Variants in TRIM35 observed in about 807,000 individuals in gnomAD.
The protein encoded by TRIM35 is tripartite motif containing 35.
Under a neutral mutation model 49.1 loss-of-function variants are expected in TRIM35, and 37 were observed. The ratio of observed to expected loss-of-function variants is 0.75; its 90% CI spans 0.58 to 0.99. The LOEUF (loss-of-function observed/expected upper bound fraction) is 0.99. Among genes scored for constraint, TRIM35 ranks in the 50% least tolerant of loss-of-function variants. The pLI, the probability that TRIM35 is intolerant of heterozygous loss-of-function variation, is 0.00. For synonymous variants in TRIM35, 302 were observed against 289.3 expected, an observed-to-expected ratio of 1.04 and a Z score of -0.45; for missense variants, 648 against 702.7, an observed-to-expected ratio of 0.92 and a Z score of 0.88.
chr8:27,299,140 G>A (rs1269148549), intron 1 of TRIM35, among the ~76,000 whole-genome samples: 7 of 152,200 alleles, frequency 4.6e-5, no homozygotes, highest in Middle Eastern at 6.8e-3. Context: ...TGTATCGCAC[G>A]GAATACTTTA....
chr8:27,310,836 C>T lies in TRIM35; in HGVS notation c.400G>A (p.Val134Met), dbSNP rs1416054396. The T allele has an allele frequency of 1.2e-6, 2 of 1,607,360 alleles. No homozygotes were observed. Among genetic ancestry groups the T allele is most frequent in the Non-Finnish European group, 1.7e-6 (2 of 1,175,588 alleles). Residue 134 changes from valine (V) to methionine (M), a missense_variant, in exon 1 of 6, where the codon GTG becomes ATG. By Grantham distance (21) the Val-to-Met change is conservative. Coordinates refer to ENST00000305364, the MANE Select transcript of TRIM35 (RefSeq NM_171982.5). ...TGGGCAGTGTCCTTCACCGGCTGCA[C>T]GCGGTGCCCCTGGTGTCGGGGGTCG... ...QADPRHQGHRVQPVKDTAHDF... is the reference protein window; with the variant it reads ...QADPRHQGHRMQPVKDTAHDF...
At chr8:27,290,219 T>C (rs769115968) in intron 3 of TRIM35, 41 bp from the exon 4 acceptor site, 17 of 1,600,342 alleles carry the variant, frequency 1.1e-5, no homozygotes, top group Middle Eastern at 3.3e-4. Flanking sequence ...GAGACACAGA[T>C]GTAGAGGAAA....
chr8:27,295,724 T>G (rs1802551998), intron 2 of TRIM35, among the ~76,000 whole-genome samples: 1 of 152,194 alleles, frequency 6.6e-6, no homozygotes, highest in Non-Finnish European at 1.5e-5. Flanking sequence ...GAATGCATAT[T>G]GCTTTCGTAC....
intron 1 of TRIM35, among the ~76,000 whole-genome samples, chr8:27,303,761 T>G (rs1427862091): frequency 3.3e-5 from 5 of 152,226 alleles, no homozygotes; most frequent in African/African-American, 1.2e-4. Context: ...TGGCGCAATC[T>G]CGGCTCACTG....
chr8:27,287,457 G>T lies in TRIM35; in HGVS notation c.*93C>A. 1 of 1,309,088 alleles carries T rather than the reference G, an allele frequency of 7.6e-7. No individual in the cohort carries two copies. Among genetic ancestry groups the T allele is most frequent in the Non-Finnish European group, 1.0e-6 (1 of 967,734 alleles). The allele number at this position is 1,309,088 out of a possible 1,614,324, so 81.1% of individuals were successfully genotyped here. A position where few individuals can be genotyped will look rare whatever the true frequency, so the allele number is the denominator to read the frequency against. On this transcript the variant is annotated 3_prime_UTR_variant, in exon 6 of 6. Transcript: ENST00000305364. This position sits in a 1 kb window ranked among gnomAD's most constrained non-coding sequence, Gnocchi z 6.0. ...GGAGGAAGAGCCTGGCAAGGAGGCAGGGGCGCAATAGTGCCCAAGCAGTGT... is the reference window on the plus strand; with the variant it reads ...GGAGGAAGAGCCTGGCAAGGAGGCATGGGCGCAATAGTGCCCAAGCAGTGT...
At chr8:27,290,883 A>C (rs1188479433) in intron 3 of TRIM35, among the ~76,000 whole-genome samples, 1 of 152,228 alleles carries the variant, frequency 6.6e-6, no homozygotes, top group East Asian at 1.9e-4. Context: ...ACAGTAATCA[A>C]GATAGTATGG....
chr8:27,287,527 G>A lies in TRIM35; in HGVS notation c.*23C>T. On this transcript the variant is annotated 3_prime_UTR_variant, in exon 6 of 6. Coordinates refer to ENST00000305364, the MANE Select transcript of TRIM35 (RefSeq NM_171982.5). The surrounding 1 kb of genome is among the most constrained non-coding windows in gnomAD (Gnocchi z 6.0). ...GAAAGAAAACAGTGCTGTGGCACAAGACCGGGGCAGCCCCGGGCCAGCTCA... is the reference window on the plus strand; with the variant it reads ...GAAAGAAAACAGTGCTGTGGCACAAAACCGGGGCAGCCCCGGGCCAGCTCA... 1 of 1,529,054 alleles carries A rather than the reference G, an allele frequency of 6.5e-7. No individual in the cohort carries two copies. The highest frequency in any genetic ancestry group is 8.8e-7 in the Non-Finnish European group (1 of 1,136,034). 94.7% of individuals were successfully genotyped at this position (1,529,054 alleles called of 1,614,324 possible). A position where few individuals can be genotyped will look rare whatever the true frequency, so the allele number is the denominator to read the frequency against.
chr8:27,299,035 C>G (rs1006334799), intron 1 of TRIM35, among the ~76,000 whole-genome samples: 2 of 152,158 alleles, frequency 1.3e-5, no homozygotes, highest in African/African-American at 4.8e-5. Context: ...CCAGTCATTT[C>G]CCACGGGGTT....
At chr8:27,293,066 C>G (rs1281596062) in intron 3 of TRIM35, among the ~76,000 whole-genome samples, 1 of 150,532 alleles carries the variant, frequency 6.6e-6, no homozygotes, top group East Asian at 2.0e-4. Flanking sequence ...ATTTCATAAT[C>G]AGGGACATTT....
At chr8:27,288,207 C>T in intron 5 of TRIM35, 80 bp from the exon 6 acceptor site, 5 of 1,358,548 alleles carry the variant, frequency 3.7e-6, no homozygotes, top group Non-Finnish European at 5.0e-6. Flanking sequence ...GCCCCACAAA[C>T]CAACCACTGT....
In TRIM35 at chr8:27,287,669, C is replaced by T. The variant is rs766345697; in HGVS notation, c.1363G>A (p.Ala455Thr). ...TAGGGGCGAACCTCCCCAAAGCGGG[C>T]GTGGAAGGTGTACAGGTGGCAGTGG... ...ERHCHLYTFH[A>T]RFGEVRPYFY... is the part of the protein sequence containing the mutation. Residue 455 changes from alanine to threonine, a missense_variant, in exon 6 of 6, where the codon GCC becomes ACC. By Grantham distance (58) the Ala-to-Thr change is moderately conservative. Coordinates refer to ENST00000305364, the MANE Select transcript of TRIM35 (RefSeq NM_171982.5). This position sits in a 1 kb window ranked among gnomAD's most constrained non-coding sequence, Gnocchi z 6.0. 9.3e-6 allele frequency: 15 copies of T among 1,610,080 alleles called. No homozygotes were observed. Among genetic ancestry groups the T allele is most frequent in the African/African-American group, 4.0e-5 (3 of 75,022 alleles).
At chr8:27,308,409 C>T (rs896017204) in intron 1 of TRIM35, among the ~76,000 whole-genome samples, 1 of 152,164 alleles carries the variant, frequency 6.6e-6, no homozygotes, top group Admixed American at 6.5e-5. Context: ...TTCTCTAAAA[C>T]ACACATCCCA....
intron 3 of TRIM35, among the ~76,000 whole-genome samples, chr8:27,292,092 T>C (rs369107937): frequency 6.3e-4 from 96 of 152,332 alleles, no homozygotes; most frequent in African/African-American, 2.3e-3. Context: ...AAATATAATA[T>C]AGCCATGTGC....
intron 5 of TRIM35, among the ~76,000 whole-genome samples, chr8:27,288,591 G>C (rs1802387675): frequency 1.3e-5 from 2 of 152,252 alleles, no homozygotes; most frequent in Middle Eastern, 3.4e-3. Flanking sequence ...GAGGGGGCCT[G>C]GTCCTTCCAA....
In TRIM35 at chr8:27,287,635, A is replaced by G; in HGVS notation, c.1397T>C (p.Leu466Pro). Residue 466 changes from leucine (L) to proline (P), a missense_variant, in exon 6 of 6, where the codon CTG (leucine) becomes CCG (proline). Physicochemically the swap from Leu to Pro is moderately conservative, Grantham distance 98. Transcript: ENST00000305364. This position sits in a 1 kb window ranked among gnomAD's most constrained non-coding sequence, Gnocchi z 6.0. ...AGGCCCGGCGCCCCGTGCACCCCCC[A>G]GGTAGAAGTAGGGGCGAACCTCCCC... ...RFGEVRPYFYLGGARGAGPPE... is the reference protein window; with the variant it reads ...RFGEVRPYFYPGGARGAGPPE... 6.2e-7 allele frequency: 1 copy of G among 1,609,086 alleles called. No homozygotes were observed. Among genetic ancestry groups the G allele is most frequent in the Non-Finnish European group, 8.5e-7 (1 of 1,177,844 alleles).
chr8:27,304,104 C>G (rs528850756), intron 1 of TRIM35, among the ~76,000 whole-genome samples: 29 of 152,302 alleles, frequency 1.9e-4, no homozygotes, highest in Admixed American at 9.8e-4. Flanking sequence ...CAAGTTGATT[C>G]CTTAAGCAAC....
At chr8:27,295,237 T>C (rs1802541426) in intron 2 of TRIM35, among the ~76,000 whole-genome samples, 1 of 152,166 alleles carries the variant, frequency 6.6e-6, no homozygotes, top group Non-Finnish European at 1.5e-5. Flanking sequence ...AGTATGAAAC[T>C]GAGAAGCCTT....
chr8:27,296,152 C>T (rs887460991), intron 2 of TRIM35, among the ~76,000 whole-genome samples: 2 of 145,076 alleles, frequency 1.4e-5, no homozygotes, highest in African/African-American at 2.6e-5. Flanking sequence ...CAGGGTGATT[C>T]TCTTTTTTTT....
rs1197821116 is a variant in TRIM35, at chr8:27,287,697, C to T, written c.1335G>A (p.Glu445=). Residue 445 remains glutamate, a synonymous_variant, in exon 6 of 6, where the codon GAG becomes GAA. Transcript: ENST00000305364. This position sits in a 1 kb window ranked among gnomAD's most constrained non-coding sequence, Gnocchi z 6.0. ...GGAAGGTGTACAGGTGGCAGTGGCGCTCCGCGTCATAGAAAGACAGCTCGC... is the reference window on the plus strand; with the variant it reads ...GGAAGGTGTACAGGTGGCAGTGGCGTTCCGCGTCATAGAAAGACAGCTCGC... ...EEGELSFYDA[E]RHCHLYTFHA... 6.2e-7 allele frequency: 1 copy of T among 1,610,100 alleles called. No homozygotes were observed. Among genetic ancestry groups the T allele is most frequent in the Admixed American group, 1.7e-5 (1 of 59,350 alleles).
Sources: allele counts gnomAD v4.1 joint callset (sites outside exome capture counted in the v4.1 genomes callset), GRCh38; gene constraint gnomAD v4.1.1; non-coding constraint Gnocchi (gnomAD v3.1); transcripts MANE v1.5; gene names NCBI Gene and HGNC (gene_info 2026-07-23, HGNC 2026-07-21).